INPP4B: variants seen among roughly 807,000 people sequenced by gnomAD.
INPP4B encodes the protein inositol polyphosphate-4-phosphatase type II B, also known as inositol polyphosphate 4-phosphatase type II.
A neutral mutation model predicts 122.5 loss-of-function variants in INPP4B; 55 were observed. The ratio of observed to expected loss-of-function variants is 0.45; its 90% confidence interval spans 0.36 to 0.56. The LOEUF is 0.56. Among genes scored for constraint, INPP4B ranks in the 20% least tolerant of loss-of-function variants. The probability of loss-of-function intolerance (pLI) is 0.00; values close to 1 mark genes in which losing one functional copy is unlikely to be tolerated. For missense variants in INPP4B, 1,000 were observed against 1,097.7 expected (o/e 0.91, Z 1.26); for synonymous variants, 403 against 388.7 (o/e 1.04, Z -0.43).
At chr4:142,618,857 T>A (rs1459965309) in intron 2 of INPP4B, among the ~76,000 whole-genome samples, 1 of 151,752 alleles carries the variant, frequency 6.6e-6, no homozygotes, top group Non-Finnish European at 1.5e-5. Context: ...CTAAAATAGA[T>A]CCTTCAACTC....
In INPP4B at chr4:142,204,466, A is replaced by AT. The variant is rs200980199; in HGVS notation, c.1072+3958dup. Among the ~76,000 whole-genome samples the AT allele has an allele frequency of 4.5e-3, 684 of 150,330 alleles. 3 individuals carry two copies. Among genetic ancestry groups the AT allele is most frequent in the African/African-American group, 0.015 (625 of 40,994 alleles). The stretch of plus-strand genomic sequence containing the variant: ...GTTGTACCCTAATCTGTAACATTAA[A>AT]TTTTTTTTTTCTGTATTGCTTGATA... On this transcript the variant is annotated intron_variant, in intron 14 of 25. Coordinates refer to ENST00000262992, the MANE Select transcript of INPP4B (RefSeq NM_001101669.3).
In INPP4B at chr4:142,270,740, C is replaced by G. The variant is rs1214135504; in HGVS notation, c.538G>C (p.Glu180Gln). The change falls in exon 10 of 26, where the codon GAA becomes CAA. Residue 180 changes from glutamate (E) to glutamine (Q), a missense_variant. Glu to Gln is a conservative substitution (Grantham distance 29). Transcript: ENST00000262992. ...SDGGKVVGTI[E>Q]VSVVKMGEIE... Reference sequence around the variant, plus strand: ...TCCCCCATCTTCACGACACTGACTTCTATGGTGCCAACCACTTTGCCACCA... The same window carrying G: ...TCCCCCATCTTCACGACACTGACTTGTATGGTGCCAACCACTTTGCCACCA... 5.6e-6 allele frequency: 9 copies of G among 1,613,978 alleles called. No homozygotes were observed. The highest frequency in any genetic ancestry group is 7.6e-6 in the Non-Finnish European group (9 of 1,179,904).
At chr4:142,348,461 C>T (rs976478213) in intron 7 of INPP4B, among the ~76,000 whole-genome samples, 1 of 152,014 alleles carries the variant, frequency 6.6e-6, no homozygotes, top group Non-Finnish European at 1.5e-5. Flanking sequence ...TGAGTTCCAG[C>T]ACCAGCTTCT....
chr4:142,518,241 C>T lies in INPP4B; in HGVS notation c.-190-55515G>A, dbSNP rs533971179. ...AAATATCATTCCTCTAATTATAACT[C>T]TGGCACCATCTTGATGTGTGACACC... On this transcript the variant is annotated intron_variant, in intron 2 of 25. Transcript: ENST00000262992. Among the ~76,000 whole-genome samples, 4 of 152,246 alleles carry T rather than the reference C, an allele frequency of 2.6e-5. No individual in the cohort carries two copies. The South Asian group carries it at 8.3e-4, about 32-fold the overall frequency.
Position 142,028,595 on chromosome 4 carries a change from T to TTAAAA in INPP4B, c.*182_*186dup. The TTAAAA allele has an allele frequency of 1.7e-6, 1 of 586,684 alleles. No homozygotes were observed. Among genetic ancestry groups the TTAAAA allele is most frequent in the Non-Finnish European group, 2.9e-6 (1 of 342,800 alleles). 36.3% of individuals were successfully genotyped at this position (586,684 alleles called of 1,614,324 possible). On this transcript the variant is annotated 3_prime_UTR_variant, in exon 26 of 26. Coordinates refer to ENST00000262992, the MANE Select transcript of INPP4B (RefSeq NM_001101669.3). ...ACAGTACTGAATCATGTAAGATTTTTTAAAATGGATTTCTTTCAGAGCAAT... is the reference window on the plus strand; with the variant it reads ...ACAGTACTGAATCATGTAAGATTTTTTAAAATAAAATGGATTTCTTTCAGAGCAAT...
At chr4:142,335,964 G>A (rs569010316) in intron 7 of INPP4B, among the ~76,000 whole-genome samples, 129 of 152,282 alleles carry the variant, frequency 8.5e-4, no homozygotes, top group African/African-American at 2.9e-3. Flanking sequence ...GAGAACTTCC[G>A]TGGTGTCTCT....
intron 23 of INPP4B, among the ~76,000 whole-genome samples, chr4:142,103,520 G>A (rs552047301): frequency 6.6e-6 from 1 of 152,122 alleles, no homozygotes; most frequent in South Asian, 2.1e-4. Flanking sequence ...GAAGTGATTG[G>A]TAGGAAGTAA....
At chr4:142,823,806 T>A (rs1781090822) in intron 1 of INPP4B, among the ~76,000 whole-genome samples, 1 of 152,178 alleles carries the variant, frequency 6.6e-6, no homozygotes, top group South Asian at 2.1e-4. Flanking sequence ...GAACAGTCAG[T>A]CCTTGTGATG....
At position 142,550,620 on chromosome 4, in the gene INPP4B, A is replaced by AT. The variant is rs35788366; in HGVS notation, c.-190-87895dup. On this transcript the variant is annotated intron_variant, in intron 2 of 25. Transcript: ENST00000262992. ...CACACACACACATATATATATATAT[A>AT]TTTTTTTTTTTACTTTACTGGCAAG... 4.1e-3 allele frequency among the ~76,000 whole-genome samples: 380 copies of AT among 92,536 alleles called. 1 individual carries two copies. Among genetic ancestry groups the AT allele is most frequent in the African/African-American group, 0.012 (371 of 30,486 alleles). The allele number at this position is 92,536 out of a possible 152,430, so 60.7% of individuals were successfully genotyped here. A position where few individuals can be genotyped will look rare whatever the true frequency, so the allele number is the denominator to read the frequency against.
At chr4:142,202,034 T>G (rs904365141) in intron 14 of INPP4B, among the ~76,000 whole-genome samples, 5 of 152,052 alleles carry the variant, frequency 3.3e-5, no homozygotes, top group African/African-American at 1.2e-4. Context: ...TTTTTTCTTT[T>G]AAATGTGTCT....
chr4:142,322,201 T>C (rs1232878724), intron 7 of INPP4B, among the ~76,000 whole-genome samples: 2 of 152,170 alleles, frequency 1.3e-5, no homozygotes, highest in African/African-American at 4.8e-5. Flanking sequence ...ATTTTAATCT[T>C]GCATGGAGAA....
At chr4:142,131,796 A>T (rs1019838471) in intron 18 of INPP4B, among the ~76,000 whole-genome samples, 1 of 152,182 alleles carries the variant, frequency 6.6e-6, no homozygotes, top group Non-Finnish European at 1.5e-5. Context: ...TCTCTACTGA[A>T]AATACAAAAT....
intron 11 of INPP4B, among the ~76,000 whole-genome samples, chr4:142,253,228 G>C (rs1733389704): frequency 6.6e-6 from 1 of 152,174 alleles, no homozygotes; most frequent in Non-Finnish European, 1.5e-5. Context: ...GTGAGTGAGT[G>C]GTGGGTGAAT....
At chr4:142,213,262 T>C (rs898871002) in intron 12 of INPP4B, among the ~76,000 whole-genome samples, 1 of 152,208 alleles carries the variant, frequency 6.6e-6, no homozygotes, top group Non-Finnish European at 1.5e-5. Flanking sequence ...TTAATTTGCC[T>C]GCCACCCAAC....
At chr4:142,405,060 A>G (rs1802911645) in intron 6 of INPP4B, 146 bp downstream of exon 6, 3 of 591,928 alleles carry the variant, frequency 5.1e-6, no homozygotes, top group Non-Finnish European at 9.1e-6. Flanking sequence ...CAGCATTGCT[A>G]CAGACTATGA....
intron 3 of INPP4B, among the ~76,000 whole-genome samples, chr4:142,458,401 C>T (rs969590051): frequency 2.4e-4 from 36 of 151,646 alleles, no homozygotes; most frequent in African/African-American, 7.5e-4. Flanking sequence ...AACTATATGC[C>T]AAAAGGTGAA....
At chr4:142,103,830 G>GAC (rs1208819284) in intron 23 of INPP4B, among the ~76,000 whole-genome samples, 8 of 151,236 alleles carry the variant, frequency 5.3e-5, no homozygotes, top group Non-Finnish European at 7.4e-5. Context: ...CACACACACA[G>GAC]ACACACACAC....
intron 9 of INPP4B, among the ~76,000 whole-genome samples, chr4:142,284,464 C>T (rs900420283): frequency 1.3e-5 from 2 of 151,998 alleles, no homozygotes; most frequent in African/African-American, 2.4e-5. Flanking sequence ...TGCAGGTAGA[C>T]TAGTAAACAT....
In INPP4B at chr4:142,694,777, C is replaced by T. The variant is rs189997278; in HGVS notation, c.-191+31062G>A. The stretch of plus-strand genomic sequence containing the variant: ...TTTCAGTGAACCCTTAGAGGGTTCA[C>T]GCTGAGAAGAGCCTACAGCCCCTAC... On this transcript the variant is annotated intron_variant, in intron 2 of 25. Transcript: ENST00000262992. Among the ~76,000 whole-genome samples, 524 of 152,236 alleles carry T rather than the reference C, an allele frequency of 3.4e-3. 1 individual carries two copies. Among genetic ancestry groups the T allele is most frequent in the Non-Finnish European group, 5.7e-3 (391 of 68,026 alleles).
Sources: gnomAD v4.1 joint callset for allele counts (sites outside exome capture counted in the v4.1 genomes callset) on GRCh38, gnomAD v4.1.1 for gene constraint, MANE v1.5 for transcripts, NCBI Gene and HGNC (gene_info 2026-07-23, HGNC 2026-07-21) for gene names.